MTA2: variants seen among roughly 807,000 people sequenced by gnomAD.
MTA2 encodes metastasis-associated protein MTA2.
A neutral mutation model predicts 87.1 loss-of-function variants in MTA2; 22 were observed. The ratio of observed to expected loss-of-function variants is 0.25; its 90% CI spans 0.18 to 0.36. The LOEUF (loss-of-function observed/expected upper bound fraction) is 0.36, where lower values mean the gene tolerates loss of function less well. Among genes scored for constraint, MTA2 ranks in the 10% least tolerant of loss-of-function variants. The pLI is 1.00. For synonymous variants in MTA2, 314 were observed against 310.1 expected, an observed-to-expected ratio of 1.01 and a Z score of -0.13; for missense variants, 542 against 853.2, an observed-to-expected ratio of 0.64 and a Z score of 4.54.
chr11:62,597,972 C>G, intron 6 of MTA2, 52 bp downstream of exon 6: 1 of 1,476,870 alleles, frequency 6.8e-7, no homozygotes, highest in Non-Finnish European at 9.5e-7. Flanking sequence ...TGTTAAAGTG[C>G]CCCTTGGAAT....
At chr11:62,597,788 C>A in intron 6 of MTA2, 76 bp from the exon 7 acceptor site, 1 of 1,167,598 alleles carries the variant, frequency 8.6e-7, no homozygotes, top group South Asian at 1.3e-5. Flanking sequence ...CACAATAGCA[C>A]CTCCTCCTTC....
Position 62,596,537 on chromosome 11 carries a change from G to A in MTA2, c.883-5C>T. ...GGCAAGTGACTTCCAGGGTAGCTAAGGGGGGCAGAGGGAGGAAGAATGAGC... is the reference window on the plus strand; with the variant it reads ...GGCAAGTGACTTCCAGGGTAGCTAAAGGGGGCAGAGGGAGGAAGAATGAGC... On this transcript the variant is annotated splice_region_variant and splice_polypyrimidine_tract_variant and intron_variant, in intron 9 of 17. Coordinates refer to ENST00000278823, the MANE Select transcript of MTA2 (RefSeq NM_004739.4). 6.2e-7 allele frequency: 1 copy of A among 1,614,076 alleles called. No individual in the cohort carries two copies. The highest frequency in any genetic ancestry group is 2.2e-5 in the East Asian group (1 of 44,882).
chr11:62,597,756 G>C (rs1270717932), intron 6 of MTA2, 44 bp from the exon 7 acceptor site: 3 of 1,518,364 alleles, frequency 2.0e-6, no homozygotes, highest in Non-Finnish European at 2.7e-6. Flanking sequence ...GGGCAGGGGG[G>C]AACAGTTGGT....
In MTA2 at chr11:62,598,127, G is replaced by A; in HGVS notation, c.387C>T (p.Tyr129=). 6.2e-7 allele frequency: 1 copy of A among 1,614,032 alleles called. No homozygotes were observed. The highest frequency in any genetic ancestry group is 8.5e-7 in the Non-Finnish European group (1 of 1,180,006). Residue 129 remains tyrosine, a synonymous_variant, in exon 6 of 18, where the codon TAC becomes TAT. Transcript: ENST00000278823. ...QYLEKEDCFF[Y]SLVFDPVQKT... ...TCTGCACGGGGTCAAACACCAGTGA[G>A]TAAAAAAAGCAGTCCTGGAATTGGG...
At position 62,601,788 on chromosome 11, in the gene MTA2, G is replaced by A. The variant is rs1403445502; in HGVS notation, c.-338C>T. On this transcript the variant is annotated 5_prime_UTR_variant, in exon 1 of 18. Coordinates refer to ENST00000278823, the MANE Select transcript of MTA2 (RefSeq NM_004739.4). ...TAGTCGTTGGGCTCTGCCGGCCGCA[G>A]GGAAGGCTTGCCGGGCCCGCCTCAG... The A allele has an allele frequency of 5.9e-6, 3 of 505,592 alleles. No homozygotes were observed. Among genetic ancestry groups the A allele is most frequent in the Admixed American group, 4.1e-5 (1 of 24,252 alleles). The allele number at this position is 505,592 out of a possible 1,614,324, so 31.3% of individuals were successfully genotyped here. A position where few individuals can be genotyped will look rare whatever the true frequency, so the allele number is the denominator to read the frequency against.
chr11:62,595,020 G>C lies in MTA2; in HGVS notation c.1534C>G (p.Leu512Val), dbSNP rs1244376172. Residue 512 changes from leucine (L) to valine (V), a missense_variant, in exon 15 of 18, where the codon CTG becomes GTG. Transcript: ENST00000278823. The surrounding 1 kb of genome is among the most constrained non-coding windows in gnomAD (Gnocchi z 4.9). ...ATAGTTGCCAGGGGCAGCCGCACCA[G>C]AGGGTGAATCTTCAATGGAGTCTTG... ...AAKTPLKIHP[L>V]VRLPLATIVK... 1.9e-6 allele frequency: 3 copies of C among 1,614,094 alleles called. No homozygotes were observed. Among genetic ancestry groups the C allele is most frequent in the Non-Finnish European group, 1.7e-6 (2 of 1,180,042 alleles).
In MTA2 at chr11:62,596,059, G is replaced by A; in HGVS notation, c.1065C>T (p.Gly355=). 1 of 1,614,156 alleles carries A rather than the reference G, an allele frequency of 6.2e-7. No homozygotes were observed. Among genetic ancestry groups the A allele is most frequent in the Non-Finnish European group, 8.5e-7 (1 of 1,180,040 alleles). The change falls in exon 12 of 18, where the codon GGC becomes GGT. Residue 355 remains glycine, a synonymous_variant. Coordinates refer to ENST00000278823, the MANE Select transcript of MTA2 (RefSeq NM_004739.4). ...CCTTCTGAAATCCAGCCCCATTCAT[G>A]CCAGGTTTTGAACCCACAGAAATGA... The part of the protein sequence containing the change: ...NQIISVGSKP[G]MNGAGFQKGL...
rs1325516133 is a variant in MTA2, at chr11:62,597,725, AC to A, written c.491-14del. 5 of 1,610,988 alleles carry A rather than the reference AC, an allele frequency of 3.1e-6. No individual in the cohort carries two copies. The East Asian group carries it at 1.1e-4, about 36-fold the overall frequency. On this transcript the variant is annotated splice_polypyrimidine_tract_variant and intron_variant, in intron 6 of 17. Coordinates refer to ENST00000278823, the MANE Select transcript of MTA2 (RefSeq NM_004739.4). ...TTATCAGATTCTCCTGGGGAAAAGA[AC>A]AATGGCATCAACAGGGAGAGGGCAG... is the stretch of plus-strand genomic sequence containing the variant.
chr11:62,596,007 C>T lies in MTA2; in HGVS notation c.1114+3G>A. On this transcript the variant is annotated splice_donor_region_variant and intron_variant, in intron 12 of 17. Transcript: ENST00000278823. ...CCACCATCCCAGTGCCCCCGTAACT[C>T]ACTGTGGCAACTCTCACAAGTCAGG... is the stretch of plus-strand genomic sequence containing the variant. 1 of 1,614,130 alleles carries T rather than the reference C, an allele frequency of 6.2e-7. No individual in the cohort carries two copies. The highest frequency in any genetic ancestry group is 8.5e-7 in the Non-Finnish European group (1 of 1,179,976).
intron 6 of MTA2, 26 bp downstream of exon 6, chr11:62,597,998 C>A (rs770785356): frequency 6.3e-7 from 1 of 1,578,596 alleles, no homozygotes; most frequent in South Asian, 1.1e-5. Flanking sequence ...AACCTGGTAG[C>A]CGTACAGTCT....
In MTA2 at chr11:62,598,509, A is replaced by C; in HGVS notation, c.308+13T>G. The C allele has an allele frequency of 6.2e-7, 1 of 1,613,008 alleles. No homozygotes were observed. The highest frequency in any genetic ancestry group is 8.5e-7 in the Non-Finnish European group (1 of 1,179,076). On this transcript the variant is annotated intron_variant, in intron 4 of 17. Coordinates refer to ENST00000278823, the MANE Select transcript of MTA2 (RefSeq NM_004739.4). ...AGTGCACGCAGGCTATGCTGGCCCC[A>C]GTTGTCCTGTACCGTATGTGGGTGG...
chr11:62,598,196 G>T, intron 5 of MTA2, 55 bp from the exon 6 acceptor site: 2 of 1,576,164 alleles, frequency 1.3e-6, no homozygotes, highest in South Asian at 2.2e-5. Flanking sequence ...AGGCGGCGGG[G>T]AGGGAGGTGT....
intron 2 of MTA2, 73 bp downstream of exon 2, chr11:62,600,549 T>C: frequency 7.2e-7 from 1 of 1,390,544 alleles, no homozygotes; most frequent in East Asian, 2.3e-5. Context: ...TAGGATCCTC[T>C]CTTCCACCAG....
chr11:62,597,641 G>A lies in MTA2; in HGVS notation c.562C>T (p.Arg188Trp), dbSNP rs771442182. Residue 188 changes from arginine (R) to tryptophan (W), a missense_variant, in exon 7 of 18, where the codon CGG (arginine) becomes TGG (tryptophan). By Grantham distance (101) the Arg-to-Trp change is moderately radical. This residue lies in a region of MTA2 where 150 missense variants were observed against 243.9 expected (regional missense o/e 0.62). Transcript: ENST00000278823. ...ACCACAAGAAACTGGTCGATCTGCCGGTCTGTGAGAGGGTTGTCTGGGTCC... is the reference window on the plus strand; with the variant it reads ...ACCACAAGAAACTGGTCGATCTGCCAGTCTGTGAGAGGGTTGTCTGGGTCC... ...VWDPDNPLTDRQIDQFLVVAR... is the reference protein window; with the variant it reads ...VWDPDNPLTDWQIDQFLVVAR... 5 of 1,613,988 alleles carry A rather than the reference G, an allele frequency of 3.1e-6. No individual in the cohort carries two copies. The highest frequency in any genetic ancestry group is 1.7e-5 in the Admixed American group (1 of 59,998).
rs1942204651 is a variant in MTA2, at chr11:62,601,655, C to G, written c.-205G>C. 2 of 570,136 alleles carry G rather than the reference C, an allele frequency of 3.5e-6. No individual in the cohort carries two copies. The highest frequency in any genetic ancestry group is 3.9e-5 in the Admixed American group (1 of 25,850). 35.3% of individuals were successfully genotyped at this position (570,136 alleles called of 1,614,324 possible). On this transcript the variant is annotated 5_prime_UTR_variant, in exon 1 of 18. Transcript: ENST00000278823. ...CGCCGCCGCAGCTATCGCCTCACTC[C>G]CGGGACGCTGAGGCTGGCCCCCGTC...
At position 62,595,087 on chromosome 11, in the gene MTA2, A is replaced by T; in HGVS notation, c.1484-17T>A. The T allele has an allele frequency of 6.2e-7, 1 of 1,612,998 alleles. No homozygotes were observed. The highest frequency in any genetic ancestry group is 8.5e-7 in the Non-Finnish European group (1 of 1,179,372). On this transcript the variant is annotated splice_polypyrimidine_tract_variant and intron_variant, in intron 14 of 17. Coordinates refer to ENST00000278823, the MANE Select transcript of MTA2 (RefSeq NM_004739.4). This position sits in a 1 kb window ranked among gnomAD's most constrained non-coding sequence, Gnocchi z 4.9. ...GAATGGAGCCTGGAGAACAAAGAAG[A>T]AAGCTTCTGAAGGGCTTCACCATTC...
rs922867310 is a variant in MTA2, at chr11:62,601,591, G to T, written c.-141C>A. 1.0e-6 allele frequency: 1 copy of T among 960,422 alleles called. No individual in the cohort carries two copies. Among genetic ancestry groups the T allele is most frequent in the Non-Finnish European group, 1.5e-6 (1 of 678,158 alleles). The allele number at this position is 960,422 out of a possible 1,614,324, so 59.5% of individuals were successfully genotyped here. ...TGGGGCCCGCGCAGCCGGCACCTCC[G>T]CTGCCTCAGCCGTCGCGGTTCATCC... is the stretch of plus-strand genomic sequence containing the variant. On this transcript the variant is annotated 5_prime_UTR_variant, in exon 1 of 18. Coordinates refer to ENST00000278823, the MANE Select transcript of MTA2 (RefSeq NM_004739.4).
chr11:62,595,592 T>G lies in MTA2; in HGVS notation c.1255-100A>C. 5 of 1,521,302 alleles carry G rather than the reference T, an allele frequency of 3.3e-6. No individual in the cohort carries two copies. In the South Asian group the frequency reaches 6.1e-5, roughly 18 times the overall value. 94.2% of individuals were successfully genotyped at this position (1,521,302 alleles called of 1,614,324 possible). Reference sequence around the variant, plus strand: ...GGGGACAATTTATTCCTGTCTAATCTCTTTACTGACCTCTTGGCCTATGTG... The same window carrying G: ...GGGGACAATTTATTCCTGTCTAATCGCTTTACTGACCTCTTGGCCTATGTG... On this transcript the variant is annotated intron_variant, in intron 13 of 17. Transcript: ENST00000278823. This position sits in a 1 kb window ranked among gnomAD's most constrained non-coding sequence, Gnocchi z 4.9.
intron 2 of MTA2, 109 bp downstream of exon 2, chr11:62,600,513 G>A (rs1410319862): frequency 9.5e-7 from 1 of 1,049,122 alleles, no homozygotes; most frequent in Non-Finnish European, 1.4e-6. Flanking sequence ...ATGAATGAAT[G>A]AACGAATATG....
Sources: allele counts gnomAD v4.1 joint callset, GRCh38; gene constraint gnomAD v4.1.1; regional missense constraint gnomAD v4.1.1; non-coding constraint Gnocchi (gnomAD v3.1); transcripts MANE v1.5; gene names NCBI Gene and HGNC (gene_info 2026-07-23, HGNC 2026-07-21).